PPA2: variants seen among roughly 807,000 people sequenced by gnomAD.
PPA2 encodes the protein inorganic pyrophosphatase 2.
A neutral mutation model predicts 49.5 loss-of-function variants in PPA2; 48 were observed. That is an observed-to-expected ratio of 0.97 (90% CI 0.77 to 1.23). PPA2 has a LOEUF of 1.23. Among genes scored for constraint, PPA2 ranks in the 50% most tolerant of loss-of-function variants. The probability of loss-of-function intolerance (pLI) is 0.00; values close to 1 mark genes in which losing one functional copy is unlikely to be tolerated. For missense variants in PPA2, 429 were observed against 410.1 expected (o/e 1.05, Z -0.40); for synonymous variants, 131 against 139.9 (o/e 0.94, Z 0.45).
chr4:105,386,901 C>G (rs546516130), intron 9 of PPA2, among the ~76,000 whole-genome samples: 4 of 152,068 alleles, frequency 2.6e-5, no homozygotes, highest in African/African-American at 9.6e-5. Context: ...CTAATAATTT[C>G]CAGGTATATA....
At chr4:105,416,857 C>G (rs1723034945) in intron 7 of PPA2, among the ~76,000 whole-genome samples, 1 of 152,104 alleles carries the variant, frequency 6.6e-6, no homozygotes, top group Non-Finnish European at 1.5e-5. Context: ...AAGACAAAAC[C>G]TGTACTAAAA....
intron 1 of PPA2, among the ~76,000 whole-genome samples, chr4:105,468,508 C>A (rs1723399124): frequency 6.6e-6 from 1 of 152,150 alleles, no homozygotes; most frequent in African/African-American, 2.4e-5. Flanking sequence ...CCATTAAGGT[C>A]GCAGCATGGA....
At chr4:105,373,035 C>T (rs538999319) in intron 10 of PPA2, among the ~76,000 whole-genome samples, 5 of 152,264 alleles carry the variant, frequency 3.3e-5, no homozygotes, top group East Asian at 1.9e-4. Flanking sequence ...GATGGAGTCT[C>T]GCTAAGTTGC....
intron 7 of PPA2, among the ~76,000 whole-genome samples, chr4:105,420,644 T>C (rs987597926): frequency 6.6e-6 from 1 of 152,188 alleles, no homozygotes; most frequent in African/African-American, 2.4e-5. Context: ...ACTTATTCCT[T>C]TGTAATAGAA....
chr4:105,386,973 C>T (rs749493378), intron 9 of PPA2, among the ~76,000 whole-genome samples: 9 of 151,996 alleles, frequency 5.9e-5, no homozygotes, highest in Non-Finnish European at 1.0e-4. Flanking sequence ...CAAATTTGAC[C>T]CACACAATGG....
At chr4:105,378,288 A>T (rs182449452) in intron 10 of PPA2, among the ~76,000 whole-genome samples, 20 of 152,294 alleles carry the variant, frequency 1.3e-4, no homozygotes, top group African/African-American at 4.6e-4. Flanking sequence ...GCATTTAATA[A>T]CTAAAGTTGA....
At chr4:105,406,114 CAAAA>C (rs35468715) in intron 7 of PPA2, among the ~76,000 whole-genome samples, 2 of 97,590 alleles carry the variant, frequency 2.0e-5, no homozygotes, top group Non-Finnish European at 4.3e-5. Context: ...TATAAAACTT[CAAAA>C]AAAAAAAAAA....
intron 5 of PPA2, among the ~76,000 whole-genome samples, chr4:105,438,251 G>C (rs910897767): frequency 6.6e-6 from 1 of 152,168 alleles, no homozygotes. Flanking sequence ...TCAGTTGCTG[G>C]TATAATTGCA....
Position 105,399,042 on chromosome 4 carries a change from T to G in PPA2, c.778A>C (p.Asn260His). ...ATAAAGATTCTCATCTTCACCTTGT[T>G]TTTGAATTCTCCATTAAAAGCAAAC... is the stretch of plus-strand genomic sequence containing the variant. ...NQFAFNGEFK[N>H]KAFALEVIKS... Residue 260 changes from asparagine (N) to histidine (H), a missense_variant, in exon 8 of 12, where the codon AAC becomes CAC. Asn to His is a moderately conservative substitution (Grantham distance 68). Coordinates refer to ENST00000341695, the MANE Select transcript of PPA2 (RefSeq NM_176869.3). 6.2e-7 allele frequency: 1 copy of G among 1,608,584 alleles called. No individual in the cohort carries two copies.
intron 7 of PPA2, among the ~76,000 whole-genome samples, chr4:105,416,927 A>T (rs1247030685): frequency 6.6e-6 from 1 of 152,246 alleles, no homozygotes; most frequent in Non-Finnish European, 1.5e-5. Flanking sequence ...GAGTATTACC[A>T]AACAAGGTAA....
chr4:105,406,768 G>A (rs889372235), intron 7 of PPA2, among the ~76,000 whole-genome samples: 2 of 152,120 alleles, frequency 1.3e-5, no homozygotes, highest in Non-Finnish European at 2.9e-5. Flanking sequence ...TTGGTTGAAA[G>A]AAATCCATGT....
At chr4:105,430,269 A>G (rs191775778) in intron 6 of PPA2, among the ~76,000 whole-genome samples, 6 of 152,366 alleles carry the variant, frequency 3.9e-5, no homozygotes, top group Admixed American at 3.9e-4. Flanking sequence ...GTTGATTCTA[A>G]AATCTTAACA....
chr4:105,464,138 A>C (rs1326230811), intron 1 of PPA2, among the ~76,000 whole-genome samples: 2 of 152,222 alleles, frequency 1.3e-5, no homozygotes, highest in Non-Finnish European at 2.9e-5. Flanking sequence ...TATACCCTGC[A>C]AAGCCACAGG....
At chr4:105,404,409 C>T (rs755319661) in intron 7 of PPA2, among the ~76,000 whole-genome samples, 25 of 151,928 alleles carry the variant, frequency 1.6e-4, no homozygotes, top group Admixed American at 1.3e-3. Flanking sequence ...AAATAACTTT[C>T]GGGTCCAAAA....
intron 1 of PPA2, among the ~76,000 whole-genome samples, chr4:105,467,788 T>C (rs1363757261): frequency 6.6e-5 from 10 of 152,034 alleles, no homozygotes. Context: ...ACAAGAAGAA[T>C]GCCCAGGTTA....
At chr4:105,433,721 C>T (rs58541886) in intron 6 of PPA2, among the ~76,000 whole-genome samples, 2,766 of 152,280 alleles carry the variant, frequency 0.018, 67 homozygotes, top group African/African-American at 0.052. Context: ...CCCTGCCCTC[C>T]GGCATGCTTC....
rs114309763 is a variant in PPA2, at chr4:105,400,511, T to C, written c.656-1347A>G. 7.9e-3 allele frequency among the ~76,000 whole-genome samples: 1,195 copies of C among 152,226 alleles called. 20 individuals carry two copies. Among genetic ancestry groups the C allele is most frequent in the African/African-American group, 0.026 (1,090 of 41,522 alleles). ...AGCTGGACATGGTGGTGATTGCCTA[T>C]AGTCCAAGCTACTCAGGAGGCTGAG... On this transcript the variant is annotated intron_variant, in intron 7 of 11. Coordinates refer to ENST00000341695, the MANE Select transcript of PPA2 (RefSeq NM_176869.3).
Position 105,370,891 on chromosome 4 carries a change from G to A in PPA2, c.940-18C>T. ...GATGATACCTGGAAATAAAAACAGA[G>A]AAAGAATCTCTGTTACAATAAATAT... On this transcript the variant is annotated intron_variant, in intron 10 of 11. Coordinates refer to ENST00000341695, the MANE Select transcript of PPA2 (RefSeq NM_176869.3). 1 of 1,465,586 alleles carries A rather than the reference G, an allele frequency of 6.8e-7. No homozygotes were observed. The highest frequency in any genetic ancestry group is 2.6e-5 in the East Asian group (1 of 38,652). The allele number at this position is 1,465,586 out of a possible 1,614,324, so 90.8% of individuals were successfully genotyped here. A position where few individuals can be genotyped will look rare whatever the true frequency, so the allele number is the denominator to read the frequency against.
chr4:105,396,668 A>G (rs1297625173), intron 8 of PPA2, among the ~76,000 whole-genome samples: 3 of 125,354 alleles, frequency 2.4e-5, no homozygotes, highest in South Asian at 2.9e-4. Flanking sequence ...TGTTTGGCCT[A>G]TGCTGCTCTA....
Sources: allele counts gnomAD v4.1 joint callset (sites outside exome capture counted in the v4.1 genomes callset), GRCh38; gene constraint gnomAD v4.1.1; transcripts MANE v1.5; gene names NCBI Gene and HGNC (gene_info 2026-07-23, HGNC 2026-07-21).